GRIA1: variants seen among roughly 807,000 people sequenced by gnomAD.
The protein encoded by GRIA1 is glutamate receptor 1.
In GRIA1, 31 loss-of-function variants were observed where a neutral mutation model predicts 99.2. The ratio of observed to expected loss-of-function variants is 0.31; its 90% CI spans 0.23 to 0.42. GRIA1 has a LOEUF of 0.42. Among genes scored for constraint, GRIA1 ranks in the 10% least tolerant of loss-of-function variants. The pLI, the probability that GRIA1 is intolerant of heterozygous loss-of-function variation, is 1.00. For missense variants in GRIA1, 782 were observed against 1,157.5 expected (o/e 0.68, Z 4.71); for synonymous variants, 438 against 432.4 (o/e 1.01, Z -0.16).
chr5:153,756,957 A>C (rs1762873544), intron 11 of GRIA1, among the ~76,000 whole-genome samples: 1 of 152,184 alleles, frequency 6.6e-6, no homozygotes. Flanking sequence ...ACCTCACCTA[A>C]TGGACAAAAC....
chr5:153,641,686 C>T (rs573776399), intron 2 of GRIA1, among the ~76,000 whole-genome samples: 5 of 152,182 alleles, frequency 3.3e-5, no homozygotes, highest in Non-Finnish European at 7.4e-5. Flanking sequence ...ATACAGTACT[C>T]TTTATGCACA....
At chr5:153,697,922 G>T in intron 8 of GRIA1, 122 bp from the exon 9 acceptor site, 2 of 521,280 alleles carry the variant, frequency 3.8e-6, no homozygotes, top group Admixed American at 3.0e-5. Context: ...TTAGAGCTCG[G>T]TGTGTCCAAT....
At chr5:153,537,837 G>GT (rs1333888583) in intron 2 of GRIA1, among the ~76,000 whole-genome samples, 2 of 152,196 alleles carry the variant, frequency 1.3e-5, no homozygotes, top group Admixed American at 6.5e-5. Context: ...ATGAGATGTG[G>GT]TTTTTTGTTT....
rs945290445 is a variant in GRIA1, at chr5:153,774,134, A to G, written c.2270+3719A>G. Among the ~76,000 whole-genome samples, 25 of 130,450 alleles carry G rather than the reference A, an allele frequency of 1.9e-4. 1 individual carries two copies. The Admixed American group carries it at 1.9e-3, about 10-fold the overall frequency. The allele number at this position is 130,450 out of a possible 152,430, so 85.6% of individuals were successfully genotyped here. ...CCATTATAACTCTTTTTCACACCCCATATGATGCCATTTGACCCAAGACAT... is the reference window on the plus strand; with the variant it reads ...CCATTATAACTCTTTTTCACACCCCGTATGATGCCATTTGACCCAAGACAT... On this transcript the variant is annotated intron_variant, in intron 13 of 15. Transcript: ENST00000285900.
Position 153,650,467 on chromosome 5 carries a change from G to A in GRIA1, c.598G>A (p.Val200Met), listed in dbSNP as rs1581402531. 1 of 1,613,972 alleles carries A rather than the reference G, an allele frequency of 6.2e-7. No homozygotes were observed. Among genetic ancestry groups the A allele is most frequent in the Non-Finnish European group, 8.5e-7 (1 of 1,179,920 alleles). The change falls in exon 4 of 16, where the codon GTG becomes ATG. Residue 200 changes from valine (V) to methionine (M), a missense_variant. Physicochemically the swap from Val to Met is conservative, Grantham distance 21. Coordinates refer to ENST00000285900, the MANE Select transcript of GRIA1 (RefSeq NM_000827.4). The stretch of plus-strand genomic sequence containing the variant: ...CCTGGAGAAGAAAAAGGAGCGGCTG[G>A]TGGTGGTGGACTGTGAATCAGAACG... ...QDLEKKKERL[V>M]VVDCESERLN...
intron 2 of GRIA1, among the ~76,000 whole-genome samples, chr5:153,636,664 C>A (rs1382488510): frequency 6.6e-6 from 1 of 152,230 alleles, no homozygotes; most frequent in African/African-American, 2.4e-5. Flanking sequence ...GATTCTGAAT[C>A]TTCTACTTAA....
At chr5:153,518,852 A>G (rs1332302159) in intron 2 of GRIA1, among the ~76,000 whole-genome samples, 1 of 152,180 alleles carries the variant, frequency 6.6e-6, no homozygotes, top group East Asian at 1.9e-4. Flanking sequence ...GGCTGAGTGA[A>G]TTCAGCCTGG....
intron 2 of GRIA1, among the ~76,000 whole-genome samples, chr5:153,577,479 C>T (rs1409152205): frequency 6.6e-6 from 1 of 152,162 alleles, no homozygotes; most frequent in Non-Finnish European, 1.5e-5. Flanking sequence ...ATACTGTCCC[C>T]TTTTGTACCC....
At position 153,811,350 on chromosome 5, in the gene GRIA1, G is replaced by GGAT; in HGVS notation, c.*129_*131dup. The GGAT allele has an allele frequency of 1.5e-6, 1 of 667,364 alleles. No homozygotes were observed. The highest frequency in any genetic ancestry group is 2.6e-5 in the Admixed American group (1 of 37,764). The allele number at this position is 667,364 out of a possible 1,614,324, so 41.3% of individuals were successfully genotyped here. A position where few individuals can be genotyped will look rare whatever the true frequency, so the allele number is the denominator to read the frequency against. On this transcript the variant is annotated 3_prime_UTR_variant, in exon 16 of 16. Coordinates refer to ENST00000285900, the MANE Select transcript of GRIA1 (RefSeq NM_000827.4). The stretch of plus-strand genomic sequence containing the variant: ...CCACCAACCACTGCGACCACAAGAA[G>GGAT]GATGATTCAACAGGTTTTCCTGAAG...
chr5:153,693,798 T>C (rs2149507139), intron 8 of GRIA1, among the ~76,000 whole-genome samples: 1 of 152,388 alleles, frequency 6.6e-6, no homozygotes, highest in East Asian at 1.9e-4. Context: ...TCAAAATTCC[T>C]GCATATCCTC....
chr5:153,704,967 T>C (rs755080429), intron 10 of GRIA1, among the ~76,000 whole-genome samples: 24 of 152,210 alleles, frequency 1.6e-4, no homozygotes, highest in Non-Finnish European at 4.4e-5. Context: ...AAGTGTTCAA[T>C]AAATATCTAT....
At chr5:153,528,751 C>T (rs923089615) in intron 2 of GRIA1, among the ~76,000 whole-genome samples, 2 of 152,246 alleles carry the variant, frequency 1.3e-5, no homozygotes, top group African/African-American at 4.8e-5. Flanking sequence ...GTAGACATCA[C>T]ATTCATCCAG....
chr5:153,578,320 A>G (rs34511192), intron 2 of GRIA1, among the ~76,000 whole-genome samples: 16,158 of 152,214 alleles, frequency 0.11, 953 homozygotes, highest in South Asian at 0.25. Context: ...AGTGACATTT[A>G]AGCCTAGATT....
chr5:153,583,502 CCT>C (rs1331348433), intron 2 of GRIA1, among the ~76,000 whole-genome samples: 1 of 152,130 alleles, frequency 6.6e-6, no homozygotes, highest in Non-Finnish European at 1.5e-5. Flanking sequence ...TTAATTTCCT[CCT>C]CTGTCACCAC....
intron 2 of GRIA1, among the ~76,000 whole-genome samples, chr5:153,541,130 C>T (rs984509970): frequency 1.3e-5 from 2 of 152,196 alleles, no homozygotes; most frequent in African/African-American, 4.8e-5. Flanking sequence ...TCTGGCATAA[C>T]TTGGCCCCTA....
At chr5:153,759,219 A>G (rs757469283) in intron 11 of GRIA1, among the ~76,000 whole-genome samples, 4 of 151,634 alleles carry the variant, frequency 2.6e-5, no homozygotes, top group Non-Finnish European at 5.9e-5. Flanking sequence ...AATAAATCAT[A>G]AAGACCAGAA....
At chr5:153,690,069 T>TA (rs1179836926) in intron 8 of GRIA1, among the ~76,000 whole-genome samples, 1 of 152,104 alleles carries the variant, frequency 6.6e-6, no homozygotes, top group African/African-American at 2.4e-5. Flanking sequence ...AGGCCTTATT[T>TA]AAAACGCAGA....
chr5:153,530,462 T>C (rs905121806), intron 2 of GRIA1, among the ~76,000 whole-genome samples: 1 of 152,220 alleles, frequency 6.6e-6, no homozygotes, highest in African/African-American at 2.4e-5. Flanking sequence ...CATGGGTTCA[T>C]CTTTTCTTTG....
chr5:153,650,273 G>A, intron 3 of GRIA1, 57 bp from the exon 4 acceptor site: 2 of 1,502,042 alleles, frequency 1.3e-6, no homozygotes, highest in Non-Finnish European at 1.8e-6. Context: ...ATGGGAGTGG[G>A]TGGTGCCCAC....
Sources: gnomAD v4.1 joint callset for allele counts (sites outside exome capture counted in the v4.1 genomes callset) on GRCh38, gnomAD v4.1.1 for gene constraint, MANE v1.5 for transcripts, NCBI Gene and HGNC (gene_info 2026-07-23, HGNC 2026-07-21) for gene names.